The following CNTN3 variants were observed in gnomAD, a reference collection of about 807,000 sequenced individuals.
CNTN3 encodes the protein contactin-3.
A neutral mutation model predicts 119.1 loss-of-function variants in CNTN3; 60 were observed. The observed-to-expected ratio is 0.50, with a 90% confidence interval of 0.41 to 0.62. CNTN3 has a LOEUF of 0.62. CNTN3 is among the 20% of genes least tolerant of loss of function. CNTN3 has a pLI of 0.00. For synonymous variants in CNTN3, 450 were observed against 438.7 expected (o/e 1.03, Z -0.32); for missense variants, 1,101 against 1,242.4 (o/e 0.89, Z 1.71).
chr3:74,453,838 C>CTTAA (rs1292548580), intron 4 of CNTN3, among the ~76,000 whole-genome samples: 1 of 152,040 alleles, frequency 6.6e-6, no homozygotes, highest in East Asian at 1.9e-4. Flanking sequence ...GAGTGAGTTT[C>CTTAA]TTAATCTTGA....
rs111626135 is a variant in CNTN3 at position 74,301,522 on chromosome 3, C to A, written c.1971G>T (p.Thr657=). The change falls in exon 16 of 23, where the codon ACG becomes ACT. Residue 657 remains threonine (T), a synonymous_variant. Transcript: ENST00000263665. ...TTVPEVIDGK[T]HTATVVELNP... ...TTAACTCAACTACAGTGGCTGTGTG[C>A]GTCTTCCCATCGATGACCTCAGGCA... The A allele has an allele frequency of 8.1e-6, 13 of 1,613,950 alleles. No individual in the cohort carries two copies. Among genetic ancestry groups the A allele is most frequent in the Admixed American group, 1.7e-5 (1 of 59,998 alleles).
intron 13 of CNTN3, among the ~76,000 whole-genome samples, chr3:74,318,066 T>G (rs575989033): frequency 4.6e-5 from 7 of 152,144 alleles, no homozygotes; most frequent in Non-Finnish European, 8.8e-5. Flanking sequence ...TAAACTTCCC[T>G]TCTTGCTTCA....
In CNTN3 at chr3:74,267,381, T is replaced by C. The variant is rs766140533; in HGVS notation, c.2705-3A>G. The C allele has an allele frequency of 6.3e-7, 1 of 1,597,828 alleles. No individual in the cohort carries two copies. Among genetic ancestry groups the C allele is most frequent in the Non-Finnish European group, 8.6e-7 (1 of 1,165,488 alleles). ...ATTTCCTGGTGGCTGACTGGGAGCTTGAAATGCAAAATGAGAAATTTTAAA... is the reference window on the plus strand; with the variant it reads ...ATTTCCTGGTGGCTGACTGGGAGCTCGAAATGCAAAATGAGAAATTTTAAA... On this transcript the variant is annotated splice_polypyrimidine_tract_variant and splice_region_variant and intron_variant, in intron 20 of 22. Coordinates refer to ENST00000263665, the MANE Select transcript of CNTN3 (RefSeq NM_020872.3).
intron 20 of CNTN3, among the ~76,000 whole-genome samples, chr3:74,279,180 C>A (rs1160763970): frequency 6.6e-6 from 1 of 152,146 alleles, no homozygotes; most frequent in Admixed American, 6.5e-5. Context: ...ACTAGTACAA[C>A]CACTGTGGAA....
intron 4 of CNTN3, among the ~76,000 whole-genome samples, chr3:74,463,491 G>A (rs1197779462): frequency 6.6e-6 from 1 of 151,974 alleles, no homozygotes; most frequent in African/African-American, 2.4e-5. Context: ...TCATTATGAT[G>A]CCGACCCCCT....
chr3:74,286,610 G>A (rs1301965367), intron 19 of CNTN3, among the ~76,000 whole-genome samples: 1 of 152,142 alleles, frequency 6.6e-6, no homozygotes, highest in Non-Finnish European at 1.5e-5. Flanking sequence ...TCTAACTGGA[G>A]TTCCAGAAGG....
At chr3:74,384,428 G>A (rs1384137243) in intron 5 of CNTN3, among the ~76,000 whole-genome samples, 2 of 152,200 alleles carry the variant, frequency 1.3e-5, no homozygotes, top group African/African-American at 4.8e-5. Context: ...TGCAGTAAAA[G>A]AGCATTAGAT....
intron 11 of CNTN3, among the ~76,000 whole-genome samples, chr3:74,353,779 TAAATA>T (rs892495297): frequency 1.3e-5 from 2 of 151,942 alleles, no homozygotes; most frequent in Non-Finnish European, 2.9e-5. Context: ...ATTAATTAAT[TAAATA>T]AAATAAAATT....
At chr3:74,416,502 C>T (rs575862648) in intron 5 of CNTN3, among the ~76,000 whole-genome samples, 3 of 152,170 alleles carry the variant, frequency 2.0e-5, no homozygotes, top group South Asian at 4.2e-4. Flanking sequence ...CAGTTTGTAC[C>T]CTCTCTGCTT....
chr3:74,487,201 C>T (rs907616625), intron 3 of CNTN3, among the ~76,000 whole-genome samples: 2 of 152,020 alleles, frequency 1.3e-5, no homozygotes, highest in Non-Finnish European at 2.9e-5. Flanking sequence ...CCTAGGGGGT[C>T]GGAAAAGGTA....
At chr3:74,360,797 C>T (rs1428983290) in intron 11 of CNTN3, among the ~76,000 whole-genome samples, 1 of 152,112 alleles carries the variant, frequency 6.6e-6, no homozygotes, top group Non-Finnish European at 1.5e-5. Context: ...CAGGGTCTTT[C>T]TCAGGCTTCA....
intron 1 of CNTN3, among the ~76,000 whole-genome samples, chr3:74,583,680 A>G (rs1353892045): frequency 6.6e-6 from 1 of 152,192 alleles, no homozygotes; most frequent in African/African-American, 2.4e-5. Flanking sequence ...AACTGACAAA[A>G]TGCATCAAAG....
intron 1 of CNTN3, among the ~76,000 whole-genome samples, chr3:74,588,331 A>G (rs1391329676): frequency 6.6e-6 from 1 of 152,158 alleles, no homozygotes; most frequent in Non-Finnish European, 1.5e-5. Context: ...AGAGAGCCAA[A>G]TCATGAGTGA....
intron 1 of CNTN3, among the ~76,000 whole-genome samples, chr3:74,609,073 G>A (rs1247502635): frequency 6.6e-6 from 1 of 152,194 alleles, no homozygotes; most frequent in South Asian, 2.1e-4. Flanking sequence ...GGAGAGTGGA[G>A]TGGAAGTCAT....
At chr3:74,427,331 T>C (rs1377252014) in intron 4 of CNTN3, among the ~76,000 whole-genome samples, 1 of 152,168 alleles carries the variant, frequency 6.6e-6, no homozygotes, top group African/African-American at 2.4e-5. Flanking sequence ...CCTGGCCAAG[T>C]AGACGGACAG....
intron 11 of CNTN3, among the ~76,000 whole-genome samples, chr3:74,357,854 C>T (rs1053615619): frequency 6.6e-6 from 1 of 152,056 alleles, no homozygotes; most frequent in Non-Finnish European, 1.5e-5. Flanking sequence ...TTCTTTAATG[C>T]ACCAATGAAT....
chr3:74,423,072 T>C lies in CNTN3; in HGVS notation c.454+1773A>G, dbSNP rs557638102. 1.1e-4 allele frequency among the ~76,000 whole-genome samples: 16 copies of C among 152,212 alleles called. No individual in the cohort carries two copies. The East Asian group carries it at 3.1e-3, about 29-fold the overall frequency. On this transcript the variant is annotated intron_variant, in intron 5 of 22. Transcript: ENST00000263665. ...CCTTTGCCTCCACAAGGAAGATACA[T>C]GAGAATGGAGGCAATATGGAGAGAA...
At chr3:74,545,782 C>G (rs1399753681) in intron 1 of CNTN3, among the ~76,000 whole-genome samples, 1 of 151,930 alleles carries the variant, frequency 6.6e-6, no homozygotes, top group African/African-American at 2.4e-5. Flanking sequence ...CCAACCCCCA[C>G]CCCCAAAACT....
At chr3:74,396,424 A>G (rs1456046089) in intron 5 of CNTN3, among the ~76,000 whole-genome samples, 1 of 152,188 alleles carries the variant, frequency 6.6e-6, no homozygotes, top group East Asian at 1.9e-4. Flanking sequence ...CAGTGACAAC[A>G]TTCCCTTAAG....
Sources: gnomAD v4.1 joint callset for allele counts (sites outside exome capture counted in the v4.1 genomes callset) on GRCh38, gnomAD v4.1.1 for gene constraint, MANE v1.5 for transcripts, NCBI Gene and HGNC (gene_info 2026-07-23, HGNC 2026-07-21) for gene names.